The following SLC41A2 variants were observed in gnomAD, a reference collection of about 807,000 sequenced individuals.
The protein encoded by SLC41A2 is solute carrier family 41 member 2.
A neutral mutation model predicts 58.3 loss-of-function variants in SLC41A2; 32 were observed. The observed-to-expected ratio is 0.55, with a 90% CI of 0.41 to 0.74. The LOEUF (loss-of-function observed/expected upper bound fraction) is 0.74. Among genes scored for constraint, SLC41A2 ranks in the 30% least tolerant of loss-of-function variants. The pLI, the probability that SLC41A2 is intolerant of heterozygous loss-of-function variation, is 0.00. For synonymous variants in SLC41A2, 190 were observed against 235.0 expected (o/e 0.81, Z 1.75); for missense variants, 514 against 680.6 (o/e 0.76, Z 2.72).
At chr12:104,882,890 C>G (rs1446283474) in intron 6 of SLC41A2, among the ~76,000 whole-genome samples, 1 of 152,238 alleles carries the variant, frequency 6.6e-6, no homozygotes, top group African/African-American at 2.4e-5. Flanking sequence ...GGGAAGTTCT[C>G]CTGGATAATA....
intron 10 of SLC41A2, among the ~76,000 whole-genome samples, chr12:104,823,918 G>T (rs2041738808): frequency 6.6e-6 from 1 of 152,144 alleles, no homozygotes; most frequent in Non-Finnish European, 1.5e-5. Flanking sequence ...AGCTGTTTTT[G>T]TCACACACAA....
intron 6 of SLC41A2, 117 bp downstream of exon 6, chr12:104,886,176 T>C (rs2135643957): frequency 9.7e-7 from 1 of 1,025,916 alleles, no homozygotes; most frequent in Non-Finnish European, 1.4e-6. Flanking sequence ...TCCTAATCAG[T>C]CTCAACAGCA....
At chr12:104,827,550 G>A (rs11834087) in intron 10 of SLC41A2, among the ~76,000 whole-genome samples, 5,433 of 152,252 alleles carry the variant, frequency 0.036, 211 homozygotes, top group East Asian at 0.15. Context: ...ATTGTTGTTC[G>A]TATATTTCAC....
At chr12:104,923,204 C>CAAAAAAAAAAAAAAAAAA (rs1267157553) in intron 2 of SLC41A2, among the ~76,000 whole-genome samples, 166 of 107,226 alleles carry the variant, frequency 1.5e-3, no homozygotes, top group Admixed American at 2.3e-3. Flanking sequence ...CTACTAAAAG[C>CAAAAAAAAAAAAAAAAAA]ACAAAAAATT....
intron 1 of SLC41A2, among the ~76,000 whole-genome samples, chr12:104,934,590 T>C (rs2047191390): frequency 2.0e-5 from 3 of 152,188 alleles, no homozygotes; most frequent in Admixed American, 6.5e-5. Flanking sequence ...CCCATGTTCA[T>C]TTCAGTATTG....
rs971411816 is a variant in SLC41A2, at chr12:104,926,334, G to A, written c.555+1639C>T. On this transcript the variant is annotated intron_variant, in intron 2 of 10. Coordinates refer to ENST00000258538, the MANE Select transcript of SLC41A2 (RefSeq NM_001352171.3). ...CCTACAAATCGGCTAGACATGGTGG[G>A]TCATGCCTGTAATCCCAGCACTTTG... Among the ~76,000 whole-genome samples the A allele has an allele frequency of 3.9e-5, 6 of 152,134 alleles. No homozygotes were observed. The East Asian group carries it at 1.2e-3, about 29-fold the overall frequency.
At chr12:104,810,993 T>C (rs1288628226) in intron 10 of SLC41A2, among the ~76,000 whole-genome samples, 1 of 152,216 alleles carries the variant, frequency 6.6e-6, no homozygotes, top group African/African-American at 2.4e-5. Context: ...TGGTAATATC[T>C]ATTAAATGTG....
intron 3 of SLC41A2, among the ~76,000 whole-genome samples, chr12:104,901,365 A>G (rs1454297867): frequency 6.6e-6 from 1 of 152,134 alleles, no homozygotes; most frequent in African/African-American, 2.4e-5. Flanking sequence ...TTACATACCT[A>G]TAATATCTAC....
intron 10 of SLC41A2, among the ~76,000 whole-genome samples, chr12:104,838,895 T>A (rs2042305945): frequency 6.6e-6 from 1 of 152,232 alleles, no homozygotes; most frequent in Non-Finnish European, 1.5e-5. Context: ...GCACACTATA[T>A]GTACTATATA....
intron 2 of SLC41A2, among the ~76,000 whole-genome samples, chr12:104,918,270 T>G (rs2046423095): frequency 1.3e-5 from 2 of 152,178 alleles, no homozygotes; most frequent in South Asian, 4.1e-4. Context: ...AAATTTTGAC[T>G]CAGAATTCTA....
intron 1 of SLC41A2, among the ~76,000 whole-genome samples, chr12:104,950,637 C>G (rs1341280178): frequency 6.6e-6 from 1 of 152,208 alleles, no homozygotes; most frequent in Non-Finnish European, 1.5e-5. Flanking sequence ...CCTGAGATAG[C>G]TGGGACTACA....
intron 4 of SLC41A2, among the ~76,000 whole-genome samples, chr12:104,889,666 T>A (rs2044850629): frequency 6.6e-6 from 1 of 152,228 alleles, no homozygotes; most frequent in South Asian, 2.1e-4. Context: ...TAATGTGCTA[T>A]GTTTTGTGTT....
chr12:104,817,378 C>G (rs1469889602), intron 10 of SLC41A2, among the ~76,000 whole-genome samples: 1 of 152,174 alleles, frequency 6.6e-6, no homozygotes, highest in African/African-American at 2.4e-5. Flanking sequence ...ATACTGTACA[C>G]TTAGGCTACA....
intron 10 of SLC41A2, among the ~76,000 whole-genome samples, chr12:104,817,728 T>C (rs960222671): frequency 2.0e-5 from 3 of 151,814 alleles, no homozygotes; most frequent in African/African-American, 7.3e-5. Context: ...GCTAGACTTC[T>C]ATATGATTGG....
At chr12:104,899,615 A>G (rs888367785) in intron 3 of SLC41A2, among the ~76,000 whole-genome samples, 6 of 152,166 alleles carry the variant, frequency 3.9e-5, no homozygotes, top group Non-Finnish European at 7.4e-5. Flanking sequence ...AAACTACACA[A>G]CCAAAGATTT....
intron 1 of SLC41A2, among the ~76,000 whole-genome samples, chr12:104,934,039 A>C (rs966895282): frequency 3.3e-5 from 5 of 151,964 alleles, no homozygotes; most frequent in African/African-American, 1.2e-4. Context: ...CATGTAGCCC[A>C]AAACTACTTG....
chr12:104,825,599 G>T (rs184288115), intron 10 of SLC41A2, among the ~76,000 whole-genome samples: 152 of 152,292 alleles, frequency 1.0e-3, no homozygotes, highest in African/African-American at 3.6e-3. Flanking sequence ...GGAAGTTAAG[G>T]GAGGAATGAC....
chr12:104,806,238 C>T (rs550436569), intron 10 of SLC41A2, among the ~76,000 whole-genome samples: 80 of 152,002 alleles, frequency 5.3e-4, no homozygotes, highest in African/African-American at 1.4e-3. Context: ...CAACAGGCCC[C>T]GGTGTGTGAT....
intron 6 of SLC41A2, among the ~76,000 whole-genome samples, chr12:104,868,818 CAAAAATG>C (rs1228323498): frequency 6.6e-6 from 1 of 152,060 alleles, no homozygotes; most frequent in Non-Finnish European, 1.5e-5. Flanking sequence ...TCATATGATT[CAAAAATG>C]ATGCATGTGA....
Sources: allele counts gnomAD v4.1 joint callset (sites outside exome capture counted in the v4.1 genomes callset), GRCh38; gene constraint gnomAD v4.1.1; transcripts MANE v1.5; gene names NCBI Gene and HGNC (gene_info 2026-07-23, HGNC 2026-07-21).